LRP1B: variants seen among roughly 807,000 people sequenced by gnomAD.
LRP1B encodes the protein LDL receptor related protein 1B, also known as low-density lipoprotein receptor-related protein 1B.
LRP1B carries 217 observed loss-of-function variants against 556.6 expected under a neutral mutation model. That is an observed-to-expected ratio of 0.39 (90% confidence interval 0.35 to 0.44). The LOEUF (loss-of-function observed/expected upper bound fraction) is 0.44. Among genes scored for constraint, LRP1B ranks in the 20% least tolerant of loss-of-function variants. The pLI is 1.00. For missense variants in LRP1B, 5,053 were observed against 5,620.8 expected, an observed-to-expected ratio of 0.90 and a Z score of 3.23; for synonymous variants, 2,047 against 1,865.8, an observed-to-expected ratio of 1.10 and a Z score of -2.50.
intron 1 of LRP1B, among the ~76,000 whole-genome samples, chr2:142,105,313 A>T (rs548119530): frequency 6.6e-6 from 1 of 152,296 alleles, no homozygotes; most frequent in Non-Finnish European, 1.5e-5. Flanking sequence ...TGCCAAATGG[A>T]TTGGACATCC....
At chr2:140,763,216 A>G (rs1174845691) in intron 35 of LRP1B, among the ~76,000 whole-genome samples, 2 of 152,248 alleles carry the variant, frequency 1.3e-5, no homozygotes, top group East Asian at 3.9e-4. Context: ...CTCAGCAGCT[A>G]CTAATAATTT....
At chr2:140,598,571 C>G (rs2105187822) in intron 43 of LRP1B, 60 bp downstream of exon 43, 1 of 1,290,762 alleles carries the variant, frequency 7.7e-7, no homozygotes, top group Non-Finnish European at 1.1e-6. Flanking sequence ...GAGTATAAAT[C>G]ACATGTTTTA....
intron 2 of LRP1B, among the ~76,000 whole-genome samples, chr2:141,578,396 C>CAAAAA (rs554339088): frequency 1.4e-5 from 1 of 73,160 alleles, no homozygotes; most frequent in Non-Finnish European, 2.7e-5. Context: ...GAGTCCTTCT[C>CAAAAA]AAAAAAAAAA....
chr2:141,479,671 T>A (rs965168339), intron 3 of LRP1B, among the ~76,000 whole-genome samples: 1 of 152,178 alleles, frequency 6.6e-6, no homozygotes, highest in African/African-American at 2.4e-5. Flanking sequence ...ACTGATACCT[T>A]GATTCTGCTT....
Position 140,233,014 on chromosome 2 carries a change from A to G in LRP1B, c.*172T>C, listed in dbSNP as rs932157437. The G allele has an allele frequency of 1.8e-5, 8 of 456,302 alleles. No homozygotes were observed. The highest frequency in any genetic ancestry group is 3.1e-5 in the Non-Finnish European group (8 of 260,868). The allele number at this position is 456,302 out of a possible 1,614,324, so 28.3% of individuals were successfully genotyped here. The stretch of plus-strand genomic sequence containing the variant: ...CATAAAAATACCATACAAATGGTCA[A>G]TCAATAGTCATCAGCAAAAAATAAA... On this transcript the variant is annotated 3_prime_UTR_variant, in exon 91 of 91. Coordinates refer to ENST00000389484, the MANE Select transcript of LRP1B (RefSeq NM_018557.3).
At position 141,735,699 on chromosome 2, in the gene LRP1B, C is replaced by G. The variant is rs528736129; in HGVS notation, c.205+74580G>C. 1.8e-3 allele frequency among the ~76,000 whole-genome samples: 274 copies of G among 152,074 alleles called. 1 individual carries two copies. Among genetic ancestry groups the G allele is most frequent in the African/African-American group, 6.4e-3 (264 of 41,488 alleles). On this transcript the variant is annotated intron_variant, in intron 2 of 90. Transcript: ENST00000389484. ...TAGAACTTTTTTCTCTTCTGCAGAGCTTTATTTATGGTGGGGTGGGTACAT... is the reference window on the plus strand; with the variant it reads ...TAGAACTTTTTTCTCTTCTGCAGAGGTTTATTTATGGTGGGGTGGGTACAT...
chr2:141,314,354 C>T (rs1022866850), intron 3 of LRP1B, among the ~76,000 whole-genome samples: 2 of 152,066 alleles, frequency 1.3e-5, no homozygotes, highest in Non-Finnish European at 2.9e-5. Flanking sequence ...ACCACTCTTC[C>T]ATATAATTTT....
chr2:141,854,824 T>G (rs989501065), intron 1 of LRP1B, among the ~76,000 whole-genome samples: 1 of 152,088 alleles, frequency 6.6e-6, no homozygotes, highest in African/African-American at 2.4e-5. Context: ...AGAAAACATA[T>G]TATCTGTACC....
chr2:140,774,697 A>G (rs957619912), intron 33 of LRP1B, among the ~76,000 whole-genome samples: 2 of 152,102 alleles, frequency 1.3e-5, no homozygotes, highest in Non-Finnish European at 2.9e-5. Flanking sequence ...GAAATCAGAA[A>G]ATGTTTCAAT....
intron 41 of LRP1B, among the ~76,000 whole-genome samples, chr2:140,673,837 A>C (rs1442634512): frequency 6.6e-6 from 1 of 152,154 alleles, no homozygotes; most frequent in African/African-American, 2.4e-5. Context: ...CAGCATTAAC[A>C]TTAAAACAGA....
At position 140,850,162 on chromosome 2, in the gene LRP1B, T is replaced by G; in HGVS notation, c.4879A>C (p.Thr1627Pro). 2 of 1,613,858 alleles carry G rather than the reference T, an allele frequency of 1.2e-6. No individual in the cohort carries two copies. The highest frequency in any genetic ancestry group is 1.7e-6 in the Non-Finnish European group (2 of 1,179,860). Residue 1627 changes from threonine (T) to proline (P), a missense_variant, in exon 29 of 91, where the codon ACA becomes CCA. Coordinates refer to ENST00000389484, the MANE Select transcript of LRP1B (RefSeq NM_018557.3). ...ATAAAAGCTCGTTTAATGGTTTGTG[T>G]TTTAATATCTGTCCAGTATAAACGT... ...EERLYWTDIKTQTIKRAFING... is the reference protein window; with the variant it reads ...EERLYWTDIKPQTIKRAFING...
chr2:141,174,279 T>G (rs1289791849), intron 7 of LRP1B, among the ~76,000 whole-genome samples: 1 of 152,104 alleles, frequency 6.6e-6, no homozygotes, highest in East Asian at 1.9e-4. Flanking sequence ...TAAAAATTAT[T>G]TGCAGAAATT....
chr2:142,104,666 T>C (rs982279572), intron 1 of LRP1B, among the ~76,000 whole-genome samples: 2 of 152,184 alleles, frequency 1.3e-5, no homozygotes, highest in Non-Finnish European at 2.9e-5. Flanking sequence ...GGCTGCAGTG[T>C]AGTCAAAACC....
intron 20 of LRP1B, among the ~76,000 whole-genome samples, chr2:140,935,893 C>A (rs572325657): frequency 6.6e-6 from 1 of 151,848 alleles, no homozygotes; most frequent in Admixed American, 6.6e-5. Context: ...TACACACACA[C>A]ACATATATAT....
intron 7 of LRP1B, among the ~76,000 whole-genome samples, chr2:141,146,036 T>A (rs1353662191): frequency 6.7e-6 from 1 of 149,630 alleles, no homozygotes; most frequent in Non-Finnish European, 1.5e-5. Context: ...GCGATTCTCC[T>A]GCCTCAGCCT....
At chr2:140,909,191 A>G (rs1472737525) in intron 21 of LRP1B, among the ~76,000 whole-genome samples, 1 of 152,182 alleles carries the variant, frequency 6.6e-6, no homozygotes. Flanking sequence ...CAGATTATGC[A>G]ATGTTCAGGT....
intron 1 of LRP1B, among the ~76,000 whole-genome samples, chr2:141,986,417 T>C (rs997283109): frequency 1.3e-5 from 2 of 151,908 alleles, no homozygotes; most frequent in Admixed American, 1.3e-4. Context: ...TATTCTAAGG[T>C]ATGGGTTTCA....
intron 7 of LRP1B, among the ~76,000 whole-genome samples, chr2:141,165,642 G>A (rs1285206492): frequency 1.3e-5 from 2 of 151,852 alleles, no homozygotes; most frequent in Non-Finnish European, 2.9e-5. Context: ...ATGAAATTGT[G>A]TTACTAATCA....
chr2:140,276,182 G>A (rs1428359740), intron 84 of LRP1B, among the ~76,000 whole-genome samples: 1 of 151,830 alleles, frequency 6.6e-6, no homozygotes, highest in Admixed American at 6.6e-5. Context: ...CAATTATAAT[G>A]GGTAAGAAAA....
Sources: gnomAD v4.1 joint callset for allele counts (sites outside exome capture counted in the v4.1 genomes callset) on GRCh38, gnomAD v4.1.1 for gene constraint, MANE v1.5 for transcripts, NCBI Gene and HGNC (gene_info 2026-07-23, HGNC 2026-07-21) for gene names.